Variants in MTMR4 observed in about 807,000 individuals in gnomAD.
The protein encoded by MTMR4 is myotubularin related protein 4, also known as phosphatidylinositol-3,5-bisphosphate 3-phosphatase MTMR4.
In MTMR4, 30 loss-of-function variants were observed where a neutral mutation model predicts 125.5. The observed-to-expected ratio is 0.24, with a 90% CI of 0.18 to 0.32. MTMR4 has a LOEUF of 0.32. Among genes scored for constraint, MTMR4 ranks in the 10% least tolerant of loss-of-function variants. The probability of loss-of-function intolerance (pLI) is 1.00; values close to 1 mark genes in which losing one functional copy is unlikely to be tolerated. For synonymous variants in MTMR4, 498 were observed against 564.5 expected, an observed-to-expected ratio of 0.88 and a Z score of 1.67; for missense variants, 1,039 against 1,511.5, an observed-to-expected ratio of 0.69 and a Z score of 5.18.
At chr17:58,498,252 A>AG (rs1975523059) in intron 14 of MTMR4, among the ~76,000 whole-genome samples, 1 of 151,964 alleles carries the variant, frequency 6.6e-6, no homozygotes, top group Non-Finnish European at 1.5e-5. Flanking sequence ...AACAACAAAA[A>AG]GAAGAATATA....
rs1567933100 is a variant in MTMR4 at position 58,504,500 on chromosome 17, GAA to G, written c.1342-14_1342-13del. The stretch of plus-strand genomic sequence containing the variant: ...AACACTTGGAAGCCCTGCAAAAAAA[GAA>G]ACTGTTCAAACATAGGGCCTCTCTG... On this transcript the variant is annotated splice_polypyrimidine_tract_variant and intron_variant, in intron 11 of 17. Coordinates refer to ENST00000682306, the MANE Select transcript of MTMR4 (RefSeq NM_001378067.1). The surrounding 1 kb of genome is among the most constrained non-coding windows in gnomAD (Gnocchi z 7.1). 6.2e-7 allele frequency: 1 copy of G among 1,609,464 alleles called. No homozygotes were observed.
At chr17:58,506,893 G>T in intron 8 of MTMR4, 22 bp from the exon 9 acceptor site, 1 of 1,604,912 alleles carries the variant, frequency 6.2e-7, no homozygotes, top group Non-Finnish European at 8.5e-7. Flanking sequence ...GCAGGAAGGA[G>T]TCCCTGAGTC....
In MTMR4 at chr17:58,490,913, C is replaced by G. The variant is rs1975298877; in HGVS notation, c.*750G>C. On this transcript the variant is annotated 3_prime_UTR_variant, in exon 18 of 18. Transcript: ENST00000682306. The stretch of plus-strand genomic sequence containing the variant: ...ACAGTGCATAACTCAAGAGCTGCCA[C>G]TGTGTAACAGAGACGACTGCCTTCA... 1 of 152,648 alleles carries G rather than the reference C, an allele frequency of 6.6e-6. No individual in the cohort carries two copies. The highest frequency in any genetic ancestry group is 1.5e-5 in the Non-Finnish European group (1 of 68,050). The allele number at this position is 152,648 out of a possible 1,614,324, so 9.5% of individuals were successfully genotyped here. A position where few individuals can be genotyped will look rare whatever the true frequency, so the allele number is the denominator to read the frequency against.
In MTMR4 at chr17:58,495,089, G is replaced by A. The variant is rs372587197; in HGVS notation, c.3095C>T (p.Thr1032Met). Residue 1032 changes from threonine to methionine, a missense_variant, in exon 15 of 18, where the codon ACG becomes ATG. Around this residue, in one of 6 missense-constraint regions of MTMR4, gnomAD observed 619 missense variants for 714.5 expected, o/e 0.87. Transcript: ENST00000682306. ...YLDDDGLPFP[T>M]DVIQHRLRQI... ...CCGTAACCTATGCTGGATCACATCC[G>A]TGGGAAAGGGGAGTCCATCATCATC... 3.2e-5 allele frequency: 51 copies of A among 1,614,074 alleles called. 1 individual carries two copies. Among genetic ancestry groups the A allele is most frequent in the Non-Finnish European group, 3.8e-5 (45 of 1,180,038 alleles).
chr17:58,505,087 A>T, intron 10 of MTMR4, 113 bp from the exon 11 acceptor site: 1 of 1,064,468 alleles, frequency 9.4e-7, no homozygotes, highest in Non-Finnish European at 1.3e-6. Flanking sequence ...ACTGAAACCA[A>T]GAGGTACAAC....
Position 58,508,055 on chromosome 17 carries a change from T to C in MTMR4, c.707+106A>G, listed in dbSNP as rs998281639. 2 of 763,332 alleles carry C rather than the reference T, an allele frequency of 2.6e-6. No individual in the cohort carries two copies. Among genetic ancestry groups the C allele is most frequent in the Non-Finnish European group, 4.5e-6 (2 of 448,480 alleles). The allele number at this position is 763,332 out of a possible 1,614,324, so 47.3% of individuals were successfully genotyped here. ...TTTAAAGTTATTTCATACTTCCCCA[T>C]AGAGTGTCAATTCTCAGTCAACCAG... On this transcript the variant is annotated intron_variant, in intron 7 of 17. Coordinates refer to ENST00000682306, the MANE Select transcript of MTMR4 (RefSeq NM_001378067.1). This position sits in a 1 kb window ranked among gnomAD's most constrained non-coding sequence, Gnocchi z 4.8.
At chr17:58,505,894 G>C (rs1485040255) in intron 9 of MTMR4, among the ~76,000 whole-genome samples, 1 of 152,146 alleles carries the variant, frequency 6.6e-6, no homozygotes, top group Admixed American at 6.5e-5. Flanking sequence ...GCGACAGAGC[G>C]AGACTCCGTC....
At chr17:58,503,649 C>T in intron 14 of MTMR4, 95 bp downstream of exon 14, 1 of 1,425,418 alleles carries the variant, frequency 7.0e-7, no homozygotes, top group Non-Finnish European at 9.4e-7. Flanking sequence ...GATTCCGTCT[C>T]AAAAAAAAGA....
At chr17:58,498,533 G>GA (rs1975533157) in intron 14 of MTMR4, among the ~76,000 whole-genome samples, 1 of 87,640 alleles carries the variant, frequency 1.1e-5, no homozygotes, top group East Asian at 3.9e-4. Context: ...AGAAGCGGGG[G>GA]AGGAGGGGGG....
chr17:58,504,615 A>C lies in MTMR4; in HGVS notation c.1342-127T>G, dbSNP rs994284379. ...AAAATAGGACTGGACCTAGAAGAGG[A>C]CTCAAAGCCACCAATTTTCCAAGCC... On this transcript the variant is annotated intron_variant, in intron 11 of 17. Coordinates refer to ENST00000682306, the MANE Select transcript of MTMR4 (RefSeq NM_001378067.1). This position sits in a 1 kb window ranked among gnomAD's most constrained non-coding sequence, Gnocchi z 7.1. The C allele has an allele frequency of 1.1e-5, 15 of 1,343,972 alleles. No homozygotes were observed. The African/African-American group carries it at 2.2e-4, about 20-fold the overall frequency. The allele number at this position is 1,343,972 out of a possible 1,614,324, so 83.3% of individuals were successfully genotyped here.
chr17:58,499,522 A>G (rs1975563369), intron 14 of MTMR4, among the ~76,000 whole-genome samples: 1 of 152,088 alleles, frequency 6.6e-6, no homozygotes, highest in African/African-American at 2.4e-5. Flanking sequence ...CAGCTGGGCA[A>G]TGGAGCGAGA....
chr17:58,514,999 C>T, upstream of MTMR4: 4 of 985,416 alleles, frequency 4.1e-6, no homozygotes, highest in South Asian at 1.4e-4. Context: ...CACCATGCCC[C>T]TGCCCATCAG....
Position 58,504,492 on chromosome 17 carries a change from CA to C in MTMR4, c.1342-5del. On this transcript the variant is annotated splice_polypyrimidine_tract_variant and splice_region_variant and intron_variant, in intron 11 of 17. Coordinates refer to ENST00000682306, the MANE Select transcript of MTMR4 (RefSeq NM_001378067.1). This position sits in a 1 kb window ranked among gnomAD's most constrained non-coding sequence, Gnocchi z 7.1. ...ACTCCACTAACACTTGGAAGCCCTG[CA>C]AAAAAAGAAACTGTTCAAACATAGG... The C allele has an allele frequency of 6.2e-7, 1 of 1,605,536 alleles. No individual in the cohort carries two copies.
At chr17:58,518,662 G>A (rs1013685052), upstream of MTMR4, among the ~76,000 whole-genome samples, 1 of 152,222 alleles carries the variant, frequency 6.6e-6, no homozygotes, top group Non-Finnish European at 1.5e-5. Context: ...CTCCTAGTCT[G>A]TAAAGCGAAG....
chr17:58,505,168 T>C (rs1325293059), intron 10 of MTMR4, among the ~76,000 whole-genome samples, 194 bp from the exon 11 acceptor site: 1 of 152,188 alleles, frequency 6.6e-6, no homozygotes, highest in African/African-American at 2.4e-5. Context: ...GATAAAAGCA[T>C]CTGAAGCTCA....
chr17:58,506,659 A>G (rs1445309945), intron 9 of MTMR4, 84 bp downstream of exon 9: 11 of 1,540,728 alleles, frequency 7.1e-6, no homozygotes, highest in Admixed American at 3.7e-5. Flanking sequence ...GGCTCTTTCC[A>G]CTATACAAAT....
chr17:58,495,290 C>T lies in MTMR4; in HGVS notation c.2894G>A (p.Gly965Asp). The change falls in exon 15 of 18, where the codon GGC becomes GAC. Residue 965 changes from glycine (G) to aspartate (D), a missense_variant. Coordinates refer to ENST00000682306, the MANE Select transcript of MTMR4 (RefSeq NM_001378067.1). ...QMRATGPCFGGQWAQREGVKS... is the reference protein window; with the variant it reads ...QMRATGPCFGDQWAQREGVKS... ...CACACCTTCTCTCTGAGCCCACTGGCCCCCAAAGCAGGGCCCTGTGGCCCG... is the reference window on the plus strand; with the variant it reads ...CACACCTTCTCTCTGAGCCCACTGGTCCCCAAAGCAGGGCCCTGTGGCCCG... 1 of 1,614,222 alleles carries T rather than the reference C, an allele frequency of 6.2e-7. No individual in the cohort carries two copies. The highest frequency in any genetic ancestry group is 8.5e-7 in the Non-Finnish European group (1 of 1,180,048).
At chr17:58,492,318 T>C (rs1307046255) in intron 17 of MTMR4, among the ~76,000 whole-genome samples, 193 bp downstream of exon 17, 1 of 152,166 alleles carries the variant, frequency 6.6e-6, no homozygotes, top group Non-Finnish European at 1.5e-5. Flanking sequence ...ATTACAGGCA[T>C]GCGCCACCAC....
intron 17 of MTMR4, among the ~76,000 whole-genome samples, chr17:58,492,289 A>G (rs1975333968): frequency 6.6e-6 from 1 of 152,158 alleles, no homozygotes; most frequent in Admixed American, 6.5e-5. Flanking sequence ...CTCCTGCCTC[A>G]GCCTCCAGAG....
Sources: allele counts gnomAD v4.1 joint callset (sites outside exome capture counted in the v4.1 genomes callset), GRCh38; gene constraint gnomAD v4.1.1; regional missense constraint gnomAD v4.1.1; non-coding constraint Gnocchi (gnomAD v3.1); transcripts MANE v1.5; gene names NCBI Gene and HGNC (gene_info 2026-07-23, HGNC 2026-07-21).